Variants in CPNE4 observed in about 807,000 individuals in gnomAD.
The protein encoded by CPNE4 is copine 4.
Under a neutral mutation model 67.9 loss-of-function variants are expected in CPNE4, and 25 were observed. The observed-to-expected ratio is 0.37, with a 90% CI of 0.27 to 0.51. CPNE4 has a LOEUF of 0.51. Among genes scored for constraint, CPNE4 ranks in the 20% least tolerant of loss-of-function variants. The pLI, the probability that CPNE4 is intolerant of heterozygous loss-of-function variation, is 0.93. For missense variants in CPNE4, 464 were observed against 690.8 expected (o/e 0.67, Z 3.68); for synonymous variants, 242 against 244.9 (o/e 0.99, Z 0.11).
At position 131,536,976 on chromosome 3, in the gene CPNE4, G is replaced by A. The variant is rs180838049; in HGVS notation, c.1540-1647C>T. Among the ~76,000 whole-genome samples, 14 of 152,174 alleles carry A rather than the reference G, an allele frequency of 9.2e-5. No individual in the cohort carries two copies. In the East Asian group the frequency reaches 2.7e-3, roughly 29 times the overall value. On this transcript the variant is annotated intron_variant, in intron 15 of 15. Coordinates refer to ENST00000429747, the MANE Select transcript of CPNE4 (RefSeq NM_130808.3). Reference sequence around the variant, plus strand: ...TGAGATATAAGTGAAAATTTCCTGGGGGAGGTTTTTTGGAAAGCTTTTCTC... The same window carrying A: ...TGAGATATAAGTGAAAATTTCCTGGAGGAGGTTTTTTGGAAAGCTTTTCTC...
At chr3:131,797,703 A>G (rs527811064) in intron 2 of CPNE4, among the ~76,000 whole-genome samples, 5 of 152,324 alleles carry the variant, frequency 3.3e-5, no homozygotes, top group Admixed American at 2.6e-4. Context: ...GTAATCGTGC[A>G]CTAACACTAA....
At chr3:131,943,301 C>T (rs1449925288) in intron 1 of CPNE4, among the ~76,000 whole-genome samples, 1 of 152,070 alleles carries the variant, frequency 6.6e-6, no homozygotes, top group African/African-American at 2.4e-5. Context: ...TCTGTTCAAG[C>T]TTTACTGCAA....
chr3:132,002,734 G>C (rs1488573825), intron 1 of CPNE4, among the ~76,000 whole-genome samples: 1 of 152,120 alleles, frequency 6.6e-6, no homozygotes. Context: ...AAACCCATGA[G>C]TCAATTCTTT....
At chr3:131,595,838 C>A (rs1938809253) in intron 7 of CPNE4, among the ~76,000 whole-genome samples, 2 of 152,106 alleles carry the variant, frequency 1.3e-5, no homozygotes, top group Non-Finnish European at 2.9e-5. Context: ...CAAACCATAT[C>A]AGGGGTGAGC....
At chr3:131,828,709 GA>G (rs2085259966) in intron 2 of CPNE4, among the ~76,000 whole-genome samples, 1 of 152,042 alleles carries the variant, frequency 6.6e-6, no homozygotes, top group Non-Finnish European at 1.5e-5. Context: ...CTTATTTCTT[GA>G]TGATCATAGC....
chr3:131,928,624 G>A (rs2070963813), intron 1 of CPNE4, among the ~76,000 whole-genome samples: 1 of 152,168 alleles, frequency 6.6e-6, no homozygotes, highest in African/African-American at 2.4e-5. Flanking sequence ...AAGTGAATGT[G>A]CCTGAGGTGT....
chr3:131,728,899 C>CAAAAAAAAAAAAAAAAAAAAAAAA (rs34269107), intron 2 of CPNE4, among the ~76,000 whole-genome samples: 2 of 89,994 alleles, frequency 2.2e-5, no homozygotes, highest in Non-Finnish European at 4.1e-5. Flanking sequence ...AACAGAGCCT[C>CAAAAAAAAAAAAAAAAAAAAAAAA]AAAAAAAAAA....
chr3:131,885,543 AT>A (rs1247183652), intron 2 of CPNE4, among the ~76,000 whole-genome samples: 1 of 149,694 alleles, frequency 6.7e-6, no homozygotes, highest in African/African-American at 2.5e-5. Context: ...TAATTTTTTT[AT>A]TTTTTTATTA....
chr3:131,943,172 G>C (rs911008617), intron 1 of CPNE4, among the ~76,000 whole-genome samples: 2 of 152,152 alleles, frequency 1.3e-5, no homozygotes, highest in Non-Finnish European at 2.9e-5. Context: ...GGAGGGTCTG[G>C]AGGAGCACCT....
chr3:131,535,159 T>C lies in CPNE4; in HGVS notation c.*36A>G. 6.4e-7 allele frequency: 1 copy of C among 1,553,602 alleles called. No individual in the cohort carries two copies. The highest frequency in any genetic ancestry group is 8.7e-7 in the Non-Finnish European group (1 of 1,148,334). On this transcript the variant is annotated 3_prime_UTR_variant, in exon 16 of 16. Coordinates refer to ENST00000429747, the MANE Select transcript of CPNE4 (RefSeq NM_130808.3). Reference sequence around the variant, plus strand: ...ATTAAATATGAAATATTAGCAGGAATAGTATTTCAGAACTCTGTAAAACTG... The same window carrying C: ...ATTAAATATGAAATATTAGCAGGAACAGTATTTCAGAACTCTGTAAAACTG...
intron 1 of CPNE4, among the ~76,000 whole-genome samples, chr3:132,010,538 A>G (rs1325372165): frequency 1.3e-5 from 2 of 152,002 alleles, no homozygotes; most frequent in Non-Finnish European, 2.9e-5. Context: ...ATTGACATTT[A>G]TTATTGTTGC....
At chr3:131,746,981 A>G (rs1466554717) in intron 2 of CPNE4, among the ~76,000 whole-genome samples, 1 of 152,136 alleles carries the variant, frequency 6.6e-6, no homozygotes, top group East Asian at 1.9e-4. Flanking sequence ...GAATGAGTAG[A>G]TAACTTATTT....
At chr3:131,543,558 A>T (rs866619866) in intron 14 of CPNE4, among the ~76,000 whole-genome samples, 1 of 152,228 alleles carries the variant, frequency 6.6e-6, no homozygotes, top group African/African-American at 2.4e-5. Context: ...TATTATACAA[A>T]ATAGAATGCA....
At chr3:131,542,503 G>T in intron 15 of CPNE4, 54 bp downstream of exon 15, 1 of 1,188,824 alleles carries the variant, frequency 8.4e-7, no homozygotes, top group Non-Finnish European at 1.3e-6. Flanking sequence ...TGGGAGGTGA[G>T]CATGCTTTGG....
chr3:131,638,078 G>C (rs73001252), intron 7 of CPNE4, among the ~76,000 whole-genome samples: 23,295 of 151,704 alleles, frequency 0.15, 3,859 homozygotes, highest in African/African-American at 0.42. Context: ...CAAAATAGAA[G>C]CTCCTTAAAG....
chr3:131,728,835 G>A (rs1245520404), intron 2 of CPNE4, among the ~76,000 whole-genome samples: 3 of 149,118 alleles, frequency 2.0e-5, no homozygotes, highest in Non-Finnish European at 3.0e-5. Flanking sequence ...GCGTGAACCC[G>A]GGAGGCGGAG....
intron 3 of CPNE4, among the ~76,000 whole-genome samples, chr3:131,705,188 G>A (rs2107711828): frequency 6.6e-6 from 1 of 152,248 alleles, no homozygotes; most frequent in South Asian, 2.1e-4. Flanking sequence ...GTGGAGGAAA[G>A]TGAAGTCACT....
At chr3:131,936,978 CATAAAG>C (rs1390482754) in intron 1 of CPNE4, among the ~76,000 whole-genome samples, 13 of 151,148 alleles carry the variant, frequency 8.6e-5, no homozygotes, top group African/African-American at 2.7e-4. Context: ...AAAAAAGGCA[CATAAAG>C]ATAAAGAAAG....
At chr3:131,722,443 A>AC (rs11402444) in intron 3 of CPNE4, among the ~76,000 whole-genome samples, 50,002 of 148,266 alleles carry the variant, frequency 0.34, 8,796 homozygotes, top group Non-Finnish European at 0.39. Context: ...CCCACCCCAT[A>AC]CCCCCCCACG....
Sources: gnomAD v4.1 joint callset for allele counts (sites outside exome capture counted in the v4.1 genomes callset) on GRCh38, gnomAD v4.1.1 for gene constraint, MANE v1.5 for transcripts, NCBI Gene and HGNC (gene_info 2026-07-23, HGNC 2026-07-21) for gene names.